Variants in CRIM1 observed in about 807,000 individuals in gnomAD.
The protein encoded by CRIM1 is cysteine-rich motor neuron 1 protein.
Under a neutral mutation model 116.4 loss-of-function variants are expected in CRIM1, and 32 were observed. The ratio of observed to expected loss-of-function variants is 0.27; its 90% CI spans 0.21 to 0.37. The LOEUF (loss-of-function observed/expected upper bound fraction) is 0.37, where lower values mean the gene tolerates loss of function less well. Ranked by LOEUF, CRIM1 falls within the 10% of genes least tolerant of loss-of-function variation. The probability of loss-of-function intolerance (pLI) is 1.00; values close to 1 mark genes in which losing one functional copy is unlikely to be tolerated. For missense variants in CRIM1, 1,331 were observed against 1,354.8 expected (o/e 0.98, Z 0.28); for synonymous variants, 590 against 509.2 (o/e 1.16, Z -2.13).
rs1007958621 is a variant in CRIM1 at position 36,396,688 on chromosome 2, A to G, written c.406A>G (p.Ile136Val). The G allele has an allele frequency of 7.6e-5, 122 of 1,613,556 alleles. No individual in the cohort carries two copies. Among genetic ancestry groups the G allele is most frequent in the Non-Finnish European group, 1.0e-4 (119 of 1,179,576 alleles). Residue 136 changes from isoleucine to valine, a missense_variant, in exon 2 of 17, where the codon ATC becomes GTC. Ile to Val is a conservative substitution (Grantham distance 29, BLOSUM62 3). This residue lies in a region of CRIM1 where 690 missense variants were observed against 676.0 expected (regional missense o/e 1.02). Transcript: ENST00000280527. ...AAACCTTATTGCTGGCTGCAATATA[A>G]TCAATGGGAAATGTGAATGTAACAC... ...NENLIAGCNI[I>V]NGKCECNTIR... is the part of the protein sequence containing the mutation.
intron 1 of CRIM1, among the ~76,000 whole-genome samples, chr2:36,385,944 T>C (rs1386127478): frequency 6.6e-6 from 1 of 152,212 alleles, no homozygotes; most frequent in Non-Finnish European, 1.5e-5. Context: ...TGTGCTTTAT[T>C]ATCTGTGCTA....
chr2:36,499,122 T>G, intron 7 of CRIM1, 97 bp from the exon 8 acceptor site: 1 of 904,432 alleles, frequency 1.1e-6, no homozygotes. Flanking sequence ...ACTGATTTGA[T>G]TTTTGTAACA....
chr2:36,364,308 T>C (rs1669444855), intron 1 of CRIM1, among the ~76,000 whole-genome samples: 1 of 152,244 alleles, frequency 6.6e-6, no homozygotes, highest in Admixed American at 6.5e-5. Context: ...TCACAGAGTA[T>C]GCATATTAAA....
chr2:36,474,846 T>C (rs1300300058), intron 5 of CRIM1, among the ~76,000 whole-genome samples: 2 of 17,320 alleles, frequency 1.2e-4, no homozygotes, highest in Non-Finnish European at 1.8e-4. Flanking sequence ...AGACTCTATA[T>C]CAAAAAAAAA....
At chr2:36,490,619 G>T (rs183541834) in intron 7 of CRIM1, among the ~76,000 whole-genome samples, 24 of 152,234 alleles carry the variant, frequency 1.6e-4, no homozygotes, top group Admixed American at 1.3e-3. Context: ...CTTTGATCCC[G>T]GGTTCTTCTG....
intron 7 of CRIM1, among the ~76,000 whole-genome samples, chr2:36,487,944 CTAAAA>C (rs1679954080): frequency 6.6e-6 from 1 of 152,048 alleles, no homozygotes; most frequent in South Asian, 2.1e-4. Flanking sequence ...ATACATTAGA[CTAAAA>C]TAATTTGCCT....
intron 12 of CRIM1, 142 bp downstream of exon 12, chr2:36,517,684 C>G (rs1174210398): frequency 4.2e-6 from 3 of 706,494 alleles, no homozygotes; most frequent in South Asian, 2.0e-5. Context: ...AGCTGGCAGC[C>G]TGCTTCCTGC....
At position 36,474,746 on chromosome 2, in the gene CRIM1, G is replaced by A. The variant is rs527561463; in HGVS notation, c.992-2143G>A. ...ACCTGTAGTCCCAGATACTTGGGAG[G>A]CTGAGGCAGGAGAATCACTTGAACC... is the stretch of plus-strand genomic sequence containing the variant. On this transcript the variant is annotated intron_variant, in intron 5 of 16. Coordinates refer to ENST00000280527, the MANE Select transcript of CRIM1 (RefSeq NM_016441.3). Among the ~76,000 whole-genome samples the A allele has an allele frequency of 3.3e-4, 49 of 150,616 alleles. No individual in the cohort carries two copies. In the Middle Eastern group the frequency reaches 0.017, roughly 52 times the overall value.
intron 2 of CRIM1, among the ~76,000 whole-genome samples, chr2:36,430,561 G>C (rs1350830287): frequency 6.6e-6 from 1 of 152,196 alleles, no homozygotes; most frequent in Non-Finnish European, 1.5e-5. Flanking sequence ...CTTGGCAGTC[G>C]TGGTGGATAC....
rs201172355 is a variant in CRIM1, at chr2:36,544,344, C to G, written c.2624-32C>G. The G allele has an allele frequency of 3.0e-6, 4 of 1,321,458 alleles. No individual in the cohort carries two copies. In the East Asian group the frequency reaches 1.1e-4, roughly 37 times the overall value. 81.9% of individuals were successfully genotyped at this position (1,321,458 alleles called of 1,614,324 possible). On this transcript the variant is annotated intron_variant, in intron 14 of 16. Transcript: ENST00000280527. ...AAAGCCAACAATACAGCAGCTTCAT[C>G]ATCTCTTAGGAAAAATGTTCCCTTC... is the stretch of plus-strand genomic sequence containing the variant.
At chr2:36,433,961 G>A (rs1258790709) in intron 2 of CRIM1, among the ~76,000 whole-genome samples, 1 of 151,994 alleles carries the variant, frequency 6.6e-6, no homozygotes, top group Non-Finnish European at 1.5e-5. Context: ...GTTTCTGAAC[G>A]AGCTTGAAAT....
intron 5 of CRIM1, among the ~76,000 whole-genome samples, chr2:36,470,403 A>C (rs191779817): frequency 6.6e-6 from 1 of 152,318 alleles, no homozygotes; most frequent in East Asian, 1.9e-4. Flanking sequence ...GCCACCTGGG[A>C]CTTTCATAAC....
chr2:36,370,497 C>T (rs1013972213), intron 1 of CRIM1, among the ~76,000 whole-genome samples: 3 of 152,272 alleles, frequency 2.0e-5, no homozygotes, highest in African/African-American at 7.2e-5. Flanking sequence ...AAAAGACTTT[C>T]TGCCAACTGA....
At chr2:36,424,821 A>AAAGAT in intron 2 of CRIM1, among the ~76,000 whole-genome samples, 1 of 152,268 alleles carries the variant, frequency 6.6e-6, no homozygotes. Flanking sequence ...TTTGATCTTT[A>AAAGAT]CAAATTGTAT....
intron 1 of CRIM1, among the ~76,000 whole-genome samples, chr2:36,395,801 A>G (rs192389339): frequency 2.5e-4 from 38 of 152,274 alleles, no homozygotes; most frequent in Non-Finnish European, 3.1e-4. Context: ...CCCCAAACGC[A>G]TTAGAGGGGA....
At chr2:36,365,165 A>G (rs1462268223) in intron 1 of CRIM1, among the ~76,000 whole-genome samples, 1 of 152,192 alleles carries the variant, frequency 6.6e-6, no homozygotes, top group Non-Finnish European at 1.5e-5. Context: ...GATCCAGTGC[A>G]ACTACAGTTC....
chr2:36,431,180 G>A (rs1366040748), intron 2 of CRIM1, among the ~76,000 whole-genome samples: 4 of 152,118 alleles, frequency 2.6e-5, no homozygotes, highest in African/African-American at 7.2e-5. Flanking sequence ...ATCGCGTTAG[G>A]TGTTAGGTTT....
intron 2 of CRIM1, among the ~76,000 whole-genome samples, chr2:36,409,354 A>G (rs913639040): frequency 2.0e-5 from 3 of 152,220 alleles, no homozygotes; most frequent in Non-Finnish European, 1.5e-5. Flanking sequence ...GTTGTACCCT[A>G]GAGTGTTACC....
At chr2:36,463,670 C>T (rs1366640743) in intron 4 of CRIM1, among the ~76,000 whole-genome samples, 1 of 152,190 alleles carries the variant, frequency 6.6e-6, no homozygotes, top group Non-Finnish European at 1.5e-5. Context: ...TTCATTGTAG[C>T]AGATGCAACA....
Sources: gnomAD v4.1 joint callset for allele counts (sites outside exome capture counted in the v4.1 genomes callset) on GRCh38, gnomAD v4.1.1 for gene constraint, gnomAD v4.1.1 regional missense constraint, MANE v1.5 for transcripts, NCBI Gene and HGNC (gene_info 2026-07-23, HGNC 2026-07-21) for gene names.